Variants in CPXM2 observed in about 807,000 individuals in gnomAD.
CPXM2 encodes carboxypeptidase X, M14 family member 2.
In CPXM2, 66 loss-of-function variants were observed where a neutral mutation model predicts 86.1. That is an observed-to-expected ratio of 0.77 (90% CI 0.63 to 0.94). CPXM2 has a LOEUF of 0.94. Among genes scored for constraint, CPXM2 ranks in the 40% least tolerant of loss-of-function variants. The pLI, the probability that CPXM2 is intolerant of heterozygous loss-of-function variation, is 0.00. For missense variants in CPXM2, 948 were observed against 1,026.3 expected (o/e 0.92, Z 1.04); for synonymous variants, 388 against 400.2 (o/e 0.97, Z 0.36).
At chr10:123,931,732 T>C (rs1215754736) in intron 2 of CPXM2, 1 of 152,228 alleles carries the variant, frequency 6.6e-6, no homozygotes, top group African/African-American at 2.4e-5. Flanking sequence ...ATGCAGTAAT[T>C]ATTACATTTT....
At chr10:123,912,943 C>G (rs1356681683) in intron 2 of CPXM2, among the ~76,000 whole-genome samples, 2 of 152,162 alleles carry the variant, frequency 1.3e-5, no homozygotes, top group Non-Finnish European at 2.9e-5. Flanking sequence ...TAGTCATACT[C>G]CAGACTCCTC....
Position 123,754,696 on chromosome 10 carries a change from A to G in CPXM2, c.1984T>C (p.Ser662Pro), listed in dbSNP as rs140927371. ...ATGTCATGGTTAATGCCTTCTACGG[A>G]GATAATGGCGTTTGGGATTCCTTTT... ...HGKGIPNAIISVEGINHDIRT... is the reference protein window; with the variant it reads ...HGKGIPNAIIPVEGINHDIRT... Residue 662 changes from serine (S) to proline (P), a missense_variant, in exon 13 of 14, where the codon TCC becomes CCC. Coordinates refer to ENST00000241305, the MANE Select transcript of CPXM2 (RefSeq NM_198148.3). The surrounding 1 kb of genome is among the most constrained non-coding windows in gnomAD (Gnocchi z 4.0). 1,066 of 1,607,986 alleles carry G rather than the reference A, an allele frequency of 6.6e-4. No individual in the cohort carries two copies. The highest frequency in any genetic ancestry group is 6.1e-4 in the Non-Finnish European group (722 of 1,174,372).
intron 1 of CPXM2, among the ~76,000 whole-genome samples, chr10:123,884,604 G>T (rs925035877): frequency 6.6e-6 from 1 of 152,172 alleles, no homozygotes; most frequent in African/African-American, 2.4e-5. Context: ...GGGAGCCCGG[G>T]GGGAGGCTGT....
At chr10:123,876,545 C>T (rs989981309) in intron 2 of CPXM2, among the ~76,000 whole-genome samples, 1 of 152,104 alleles carries the variant, frequency 6.6e-6, no homozygotes, top group Admixed American at 6.5e-5. Flanking sequence ...AAACTATAGC[C>T]CATGTAAAGG....
chr10:123,885,275 G>C lies in CPXM2; in HGVS notation c.305-4966C>G, dbSNP rs181323160. Among the ~76,000 whole-genome samples the C allele has an allele frequency of 2.6e-4, 39 of 152,216 alleles. No homozygotes were observed. The highest frequency in any genetic ancestry group is 4.6e-4 in the Non-Finnish European group (31 of 68,010). On this transcript the variant is annotated intron_variant, in intron 1 of 13. Coordinates refer to ENST00000241305, the MANE Select transcript of CPXM2 (RefSeq NM_198148.3). This position sits in a 1 kb window ranked among gnomAD's most constrained non-coding sequence, Gnocchi z 4.0. ...ACTCCGGAGGCTGGGAGGCTAGAAG[G>C]CTGGGAGGCTGGGAGGCTGGAAGGC...
chr10:123,911,921 CAGA>C (rs1305045829), intron 2 of CPXM2, among the ~76,000 whole-genome samples: 1 of 151,944 alleles, frequency 6.6e-6, no homozygotes, highest in African/African-American at 2.4e-5. Flanking sequence ...GGGCATAAGG[CAGA>C]AGGAGAGACT....
chr10:123,833,097 A>G (rs754626943), intron 4 of CPXM2, among the ~76,000 whole-genome samples: 4 of 152,326 alleles, frequency 2.6e-5, no homozygotes, highest in Admixed American at 2.0e-4. Flanking sequence ...TCAATTACGT[A>G]TAAGTTTCCC....
intron 1 of CPXM2, among the ~76,000 whole-genome samples, chr10:123,890,486 G>A (rs529668976): frequency 1.3e-5 from 2 of 152,298 alleles, no homozygotes; most frequent in South Asian, 2.1e-4. Flanking sequence ...GCACCCGCAC[G>A]TATCTCCTTT....
intron 2 of CPXM2, among the ~76,000 whole-genome samples, chr10:123,911,734 C>T (rs941408844): frequency 1.3e-5 from 2 of 151,916 alleles, no homozygotes; most frequent in African/African-American, 2.4e-5. Context: ...TGCCAAGGCA[C>T]CCACAGAGCC....
chr10:123,796,717 G>C (rs993751224), intron 6 of CPXM2, among the ~76,000 whole-genome samples: 1 of 152,226 alleles, frequency 6.6e-6, no homozygotes, highest in Admixed American at 6.5e-5. Flanking sequence ...TAGCATCAGA[G>C]CTGGTACCCT....
upstream of CPXM2, among the ~76,000 whole-genome samples, chr10:123,896,330 A>T (rs1260784107): frequency 6.6e-6 from 1 of 152,202 alleles, no homozygotes; most frequent in African/African-American, 2.4e-5. Flanking sequence ...CTAAAAATAT[A>T]GTCTTGAGAT....
intron 3 of CPXM2, among the ~76,000 whole-genome samples, chr10:123,854,801 G>A (rs1169147591): frequency 6.6e-5 from 10 of 151,862 alleles, no homozygotes; most frequent in Admixed American, 5.3e-4. Flanking sequence ...CCAGCAATCA[G>A]GTGTGTAGGT....
intron 2 of CPXM2, among the ~76,000 whole-genome samples, chr10:123,927,164 C>T (rs1945629772): frequency 1.3e-5 from 2 of 152,180 alleles, no homozygotes; most frequent in South Asian, 4.1e-4. Context: ...AGCTCCAGCT[C>T]ACCACTGGGC....
intron 4 of CPXM2, among the ~76,000 whole-genome samples, chr10:123,827,817 T>C (rs1337576797): frequency 2.0e-5 from 3 of 152,120 alleles, no homozygotes; most frequent in Non-Finnish European, 4.4e-5. Context: ...AGATATTATA[T>C]AGCTACAGTC....
intron 10 of CPXM2, among the ~76,000 whole-genome samples, chr10:123,762,753 T>C (rs763599808): frequency 2.6e-5 from 4 of 152,218 alleles, no homozygotes; most frequent in Non-Finnish European, 4.4e-5. Context: ...AAGCTAAAAT[T>C]TGAAAGTTTG....
intron 10 of CPXM2, among the ~76,000 whole-genome samples, chr10:123,763,034 C>T (rs1846382339): frequency 6.6e-6 from 1 of 151,328 alleles, no homozygotes; most frequent in African/African-American, 2.5e-5. Context: ...GTGCTTGGTC[C>T]CCCTCTGGTT....
At chr10:123,761,788 G>A in intron 11 of CPXM2, 84 bp downstream of exon 11, 1 of 1,369,940 alleles carries the variant, frequency 7.3e-7, no homozygotes, top group Admixed American at 2.0e-5. Flanking sequence ...CAACAGGACA[G>A]TAGTGACACC....
At chr10:123,902,073 C>T (rs1050639367) in intron 2 of CPXM2, among the ~76,000 whole-genome samples, 2 of 152,198 alleles carry the variant, frequency 1.3e-5, no homozygotes, top group Non-Finnish European at 2.9e-5. Flanking sequence ...CAAACCTAAG[C>T]TTACAAACTA....
chr10:123,878,238 AG>A (rs1945020136), intron 2 of CPXM2, among the ~76,000 whole-genome samples: 1 of 151,196 alleles, frequency 6.6e-6, no homozygotes, highest in African/African-American at 2.4e-5. Context: ...GTCGGTTGTC[AG>A]GATCTCCTCA....
Sources: allele counts gnomAD v4.1 joint callset (sites outside exome capture counted in the v4.1 genomes callset), GRCh38; gene constraint gnomAD v4.1.1; non-coding constraint Gnocchi (gnomAD v3.1); transcripts MANE v1.5; gene names NCBI Gene and HGNC (gene_info 2026-07-23, HGNC 2026-07-21).